PDSS2: variants seen among roughly 807,000 people sequenced by gnomAD.
PDSS2 encodes all trans-polyprenyl-diphosphate synthase PDSS2.
PDSS2 carries 31 observed loss-of-function variants against 44.5 expected under a neutral mutation model. The observed-to-expected ratio is 0.70, with a 90% confidence interval of 0.52 to 0.94. PDSS2 has a LOEUF of 0.94. PDSS2 is among the 40% of genes least tolerant of loss of function. The probability of loss-of-function intolerance (pLI) is 0.00; values close to 1 mark genes in which losing one functional copy is unlikely to be tolerated. For synonymous variants in PDSS2, 157 were observed against 180.3 expected (o/e 0.87, Z 1.03); for missense variants, 452 against 482.2 (o/e 0.94, Z 0.59).
chr6:107,209,005 A>C (rs1379623681), intron 6 of PDSS2, among the ~76,000 whole-genome samples: 2 of 152,088 alleles, frequency 1.3e-5, no homozygotes, highest in African/African-American at 4.8e-5. Context: ...TGATTAAAAA[A>C]TTCTGCAATC....
chr6:107,390,582 A>G (rs1351060606), intron 1 of PDSS2, among the ~76,000 whole-genome samples: 1 of 152,134 alleles, frequency 6.6e-6, no homozygotes, highest in East Asian at 1.9e-4. Context: ...AGCTGGTAAG[A>G]TCTGAATAAA....
At chr6:107,355,679 G>A (rs1434535381) in intron 1 of PDSS2, among the ~76,000 whole-genome samples, 1 of 152,168 alleles carries the variant, frequency 6.6e-6, no homozygotes, top group Admixed American at 6.5e-5. Flanking sequence ...TACTTGCAGC[G>A]TGGAAAACCA....
intron 2 of PDSS2, among the ~76,000 whole-genome samples, chr6:107,278,483 G>T (rs964153026): frequency 4.6e-5 from 7 of 152,160 alleles, no homozygotes; most frequent in African/African-American, 1.2e-4. Flanking sequence ...AAAAAAGTCC[G>T]CATTATCACA....
intron 1 of PDSS2, among the ~76,000 whole-genome samples, chr6:107,442,866 C>T (rs895143086): frequency 6.6e-6 from 1 of 152,230 alleles, no homozygotes; most frequent in African/African-American, 2.4e-5. Context: ...AACTCACCAT[C>T]ATCATTCCTC....
At chr6:107,392,159 T>C (rs1779804415) in intron 1 of PDSS2, among the ~76,000 whole-genome samples, 1 of 152,146 alleles carries the variant, frequency 6.6e-6, no homozygotes, top group Non-Finnish European at 1.5e-5. Flanking sequence ...ACATACCTAA[T>C]AGAACCTTTC....
At chr6:107,413,617 A>C (rs1175864714) in intron 1 of PDSS2, among the ~76,000 whole-genome samples, 1 of 152,138 alleles carries the variant, frequency 6.6e-6, no homozygotes, top group African/African-American at 2.4e-5. Flanking sequence ...GATGTGTGCC[A>C]CCATGCCCGG....
At chr6:107,445,024 A>C (rs962094194) in intron 1 of PDSS2, among the ~76,000 whole-genome samples, 1 of 152,176 alleles carries the variant, frequency 6.6e-6, no homozygotes, top group Non-Finnish European at 1.5e-5. Context: ...CTTACTACTC[A>C]AAGAATCATC....
At chr6:107,216,484 AAAAAAACAAAAAAC>A (rs1043221795) in intron 4 of PDSS2, among the ~76,000 whole-genome samples, 1 of 152,160 alleles carries the variant, frequency 6.6e-6, no homozygotes, top group African/African-American at 2.4e-5. Context: ...AAGAAAACCA[AAAAAAACAAAAAAC>A]AAAAAACAAA....
chr6:107,226,074 C>A (rs576407562), intron 4 of PDSS2, among the ~76,000 whole-genome samples: 4 of 152,116 alleles, frequency 2.6e-5, no homozygotes, highest in Non-Finnish European at 5.9e-5. Flanking sequence ...TTTGGGAGGC[C>A]GAGGCAGGAG....
At chr6:107,156,661 G>A (rs1770909152) in intron 7 of PDSS2, among the ~76,000 whole-genome samples, 1 of 152,186 alleles carries the variant, frequency 6.6e-6, no homozygotes, top group African/African-American at 2.4e-5. Flanking sequence ...AATGAGGGAT[G>A]TCACTTTGTG....
chr6:107,197,793 A>G (rs1157324496), intron 6 of PDSS2: 2 of 470,672 alleles, frequency 4.2e-6, no homozygotes, highest in South Asian at 3.1e-5. Context: ...TCTCCTCTTC[A>G]TGCTCTCTCA....
At chr6:107,420,419 C>T (rs559563671) in intron 1 of PDSS2, among the ~76,000 whole-genome samples, 1 of 152,294 alleles carries the variant, frequency 6.6e-6, no homozygotes, top group African/African-American at 2.4e-5. Flanking sequence ...ATCACTCTGC[C>T]TTATATTGTC....
At chr6:107,210,605 ATG>A in intron 5 of PDSS2, 35 bp from the exon 6 acceptor site, 1 of 1,341,204 alleles carries the variant, frequency 7.5e-7, no homozygotes. Flanking sequence ...AATTAGTGAA[ATG>A]TATATACACT....
chr6:107,318,246 G>A (rs1180611266), intron 2 of PDSS2, among the ~76,000 whole-genome samples: 2 of 151,808 alleles, frequency 1.3e-5, no homozygotes, highest in Non-Finnish European at 2.9e-5. Context: ...CTCCTTGACC[G>A]CCCCGCTTCT....
chr6:107,347,958 G>A (rs1367415144), intron 1 of PDSS2, among the ~76,000 whole-genome samples: 1 of 152,096 alleles, frequency 6.6e-6, no homozygotes, highest in Non-Finnish European at 1.5e-5. Flanking sequence ...ATCTCAGGAT[G>A]CCATCCCCCA....
chr6:107,175,104 C>T (rs1170144277), intron 7 of PDSS2, among the ~76,000 whole-genome samples: 2 of 151,538 alleles, frequency 1.3e-5, no homozygotes, highest in Admixed American at 6.6e-5. Flanking sequence ...CCCAGCTACT[C>T]GGGAGGCTGA....
chr6:107,248,905 C>A (rs1774720360), intron 3 of PDSS2, among the ~76,000 whole-genome samples: 1 of 152,090 alleles, frequency 6.6e-6, no homozygotes, highest in Admixed American at 6.6e-5. Flanking sequence ...GTACCAAATC[C>A]CCTTTGGTTT....
intron 1 of PDSS2, among the ~76,000 whole-genome samples, chr6:107,444,237 C>T (rs1218499317): frequency 6.6e-6 from 1 of 152,042 alleles, no homozygotes; most frequent in Non-Finnish European, 1.5e-5. Flanking sequence ...CACTGTGTTG[C>T]CCAGGCAGGT....
chr6:107,194,040 C>G (rs1772471223), intron 6 of PDSS2, among the ~76,000 whole-genome samples, 186 bp from the exon 7 acceptor site: 1 of 152,092 alleles, frequency 6.6e-6, no homozygotes, highest in Admixed American at 6.6e-5. Flanking sequence ...GTTAAACGAA[C>G]AGATCACTGA....
Sources: allele counts gnomAD v4.1 joint callset (sites outside exome capture counted in the v4.1 genomes callset), GRCh38; gene constraint gnomAD v4.1.1; transcripts MANE v1.5; gene names NCBI Gene and HGNC (gene_info 2026-07-23, HGNC 2026-07-21).